The following ZFPM2 variants were observed in gnomAD, a reference collection of about 807,000 sequenced individuals.
The protein encoded by ZFPM2 is zinc finger protein ZFPM2.
Under a neutral mutation model 98.6 loss-of-function variants are expected in ZFPM2, and 20 were observed. The observed-to-expected ratio is 0.20, with a 90% CI of 0.14 to 0.29. The LOEUF is 0.29. Among genes scored for constraint, ZFPM2 ranks in the 10% least tolerant of loss-of-function variants. ZFPM2 has a pLI of 1.00. For missense variants in ZFPM2, 1,310 were observed against 1,388.6 expected (o/e 0.94, Z 0.90); for synonymous variants, 518 against 502.7 (o/e 1.03, Z -0.41).
In ZFPM2 at chr8:105,380,710, T is replaced by TATATTATATATAAC. The variant is rs1810848426; in HGVS notation, c.41-38430_41-38429insTATATATAACATAT. 6.6e-4 allele frequency among the ~76,000 whole-genome samples: 26 copies of TATATTATATATAAC among 39,314 alleles called. 2 individuals are homozygous for TATATTATATATAAC. The Admixed American group carries it at 7.7e-3, about 12-fold the overall frequency. 25.8% of individuals were successfully genotyped at this position (39,314 alleles called of 152,430 possible). On this transcript the variant is annotated intron_variant, in intron 1 of 7. Coordinates refer to ENST00000407775, the MANE Select transcript of ZFPM2 (RefSeq NM_012082.4). ...TATTATATATAACATATATAATATA[T>TATATTATATATAAC]ATATATATTATATATAACATATATA...
chr8:105,702,522 A>C (rs2130959286), intron 5 of ZFPM2, among the ~76,000 whole-genome samples: 1 of 152,330 alleles, frequency 6.6e-6, no homozygotes, highest in African/African-American at 2.4e-5. Context: ...GTTTGGTTGC[A>C]GATTTTTCCT....
chr8:105,621,892 A>C (rs557498088), intron 4 of ZFPM2, among the ~76,000 whole-genome samples: 2 of 152,126 alleles, frequency 1.3e-5, no homozygotes, highest in Non-Finnish European at 2.9e-5. Context: ...GTGCATGTGC[A>C]CAATGTGCAG....
chr8:105,407,578 A>G (rs1475109477), intron 1 of ZFPM2, among the ~76,000 whole-genome samples: 1 of 151,916 alleles, frequency 6.6e-6, no homozygotes. Context: ...TTGCCAATGC[A>G]CTGAAGGTTA....
chr8:105,741,853 A>G (rs1327714630), intron 5 of ZFPM2, among the ~76,000 whole-genome samples: 2 of 152,072 alleles, frequency 1.3e-5, no homozygotes, highest in Non-Finnish European at 2.9e-5. Flanking sequence ...AATGAACAAG[A>G]TACAGGTTTT....
chr8:105,661,938 G>T (rs1563510335), intron 5 of ZFPM2, among the ~76,000 whole-genome samples: 1 of 151,906 alleles, frequency 6.6e-6, no homozygotes, highest in African/African-American at 2.4e-5. Context: ...CTTCCACTCC[G>T]GAGAGGCTTG....
At chr8:105,715,156 T>C (rs951783682) in intron 5 of ZFPM2, among the ~76,000 whole-genome samples, 2 of 151,982 alleles carry the variant, frequency 1.3e-5, no homozygotes, top group African/African-American at 4.8e-5. Context: ...TCCCATACTT[T>C]GGGAGTCCAA....
intron 5 of ZFPM2, among the ~76,000 whole-genome samples, chr8:105,713,693 C>T: frequency 6.6e-6 from 1 of 152,046 alleles, no homozygotes. Flanking sequence ...CCAGTTTTCC[C>T]AGCACCATTT....
intron 1 of ZFPM2, among the ~76,000 whole-genome samples, chr8:105,396,595 A>G (rs780608575): frequency 6.6e-6 from 1 of 152,210 alleles, no homozygotes; most frequent in Non-Finnish European, 1.5e-5. Context: ...AGATTGGTTC[A>G]GACATCAGGA....
At chr8:105,572,033 CTTTTTTTT>C (rs869198147) in intron 4 of ZFPM2, among the ~76,000 whole-genome samples, 5 of 103,372 alleles carry the variant, frequency 4.8e-5, no homozygotes, top group Non-Finnish European at 7.6e-5. Context: ...GGGTAAATTT[CTTTTTTTT>C]TTTTTTTTTT....
intron 1 of ZFPM2, chr8:105,319,873 C>G (rs1811986916): frequency 1.3e-5 from 2 of 152,246 alleles, no homozygotes; most frequent in African/African-American, 2.4e-5. Flanking sequence ...GAAACAGGCA[C>G]GCTCGCAGAG....
chr8:105,334,126 G>A (rs1400936350), intron 1 of ZFPM2, among the ~76,000 whole-genome samples: 4 of 149,196 alleles, frequency 2.7e-5, no homozygotes, highest in Non-Finnish European at 6.0e-5. Flanking sequence ...AACTGTGTGT[G>A]TGTGTGTGTG....
At chr8:105,407,105 C>A in intron 1 of ZFPM2, among the ~76,000 whole-genome samples, 1 of 134,482 alleles carries the variant, frequency 7.4e-6, no homozygotes, top group East Asian at 2.1e-4. Flanking sequence ...ATTAAATGCT[C>A]TAATTTTTTT....
chr8:105,782,440 G>C (rs1217706881), intron 5 of ZFPM2: 1 of 152,166 alleles, frequency 6.6e-6, no homozygotes, highest in Non-Finnish European at 1.5e-5. Flanking sequence ...TAAATTTTCT[G>C]TGATTTCAGG....
At chr8:105,716,534 TAGC>T (rs1481597016) in intron 5 of ZFPM2, among the ~76,000 whole-genome samples, 3 of 152,030 alleles carry the variant, frequency 2.0e-5, no homozygotes, top group Non-Finnish European at 4.4e-5. Flanking sequence ...TATATTAAAA[TAGC>T]AGCAATAACT....
chr8:105,748,115 GA>G (rs1563547493), intron 5 of ZFPM2, among the ~76,000 whole-genome samples: 1 of 151,964 alleles, frequency 6.6e-6, no homozygotes, highest in Non-Finnish European at 1.5e-5. Flanking sequence ...CATTCAACAT[GA>G]ATCTATTGGG....
At chr8:105,608,963 T>C (rs575405496) in intron 4 of ZFPM2, among the ~76,000 whole-genome samples, 14 of 151,736 alleles carry the variant, frequency 9.2e-5, no homozygotes, top group African/African-American at 3.4e-4. Flanking sequence ...GCTTCTGAAA[T>C]GATAAAAACT....
At chr8:105,593,677 C>T (rs1416322613) in intron 4 of ZFPM2, among the ~76,000 whole-genome samples, 2 of 149,720 alleles carry the variant, frequency 1.3e-5, no homozygotes, top group Non-Finnish European at 1.5e-5. Context: ...AGGAAATTAT[C>T]TTTGTGCATA....
At chr8:105,374,719 A>T (rs182407827) in intron 1 of ZFPM2, among the ~76,000 whole-genome samples, 100 of 152,190 alleles carry the variant, frequency 6.6e-4, no homozygotes, top group Non-Finnish European at 7.6e-4. Flanking sequence ...ACTATAACAA[A>T]ACTCTGGTTA....
intron 5 of ZFPM2, among the ~76,000 whole-genome samples, chr8:105,715,971 C>A (rs1811515092): frequency 6.6e-6 from 1 of 151,848 alleles, no homozygotes; most frequent in Non-Finnish European, 1.5e-5. Flanking sequence ...TGCAGAGTTA[C>A]TGTATTTCAA....
Sources: allele counts gnomAD v4.1 joint callset (sites outside exome capture counted in the v4.1 genomes callset), GRCh38; gene constraint gnomAD v4.1.1; transcripts MANE v1.5; gene names NCBI Gene and HGNC (gene_info 2026-07-23, HGNC 2026-07-21).